Variants in KRT8 observed in about 807,000 individuals in gnomAD.
KRT8 encodes keratin 8.
KRT8 carries 24 observed loss-of-function variants against 43.0 expected under a neutral mutation model. The observed-to-expected ratio is 0.56, with a 90% confidence interval of 0.40 to 0.78. KRT8 has a LOEUF of 0.78. Among genes scored for constraint, KRT8 ranks in the 30% least tolerant of loss-of-function variants. KRT8 has a pLI of 0.00. For synonymous variants in KRT8, 214 were observed against 261.2 expected (o/e 0.82, Z 1.74); for missense variants, 492 against 638.4 (o/e 0.77, Z 2.47).
chr12:52,930,275 T>C (rs1310715195), intron 2 of KRT8, among the ~76,000 whole-genome samples: 1 of 151,822 alleles, frequency 6.6e-6, no homozygotes, highest in East Asian at 1.9e-4. Context: ...TGGAGTGCAA[T>C]AGCACAATCT....
At chr12:52,949,089 A>G in intron 2 of KRT8, 1 of 1,325,476 alleles carries the variant, frequency 7.5e-7, no homozygotes, top group Non-Finnish European at 1.1e-6. Context: ...TCACTCTGCG[A>G]TATAACTCGG....
intron 2 of KRT8, among the ~76,000 whole-genome samples, chr12:52,938,081 C>G (rs1418499596): frequency 3.0e-5 from 4 of 133,062 alleles, no homozygotes; most frequent in Admixed American, 8.2e-5. Context: ...TATCATTAGT[C>G]ATTAGGAAAA....
chr12:52,928,811 C>T (rs1376941956), intron 2 of KRT8, among the ~76,000 whole-genome samples: 2 of 152,108 alleles, frequency 1.3e-5, no homozygotes, highest in African/African-American at 2.4e-5. Context: ...GAGGCTGAAG[C>T]GAGAGAATCG....
chr12:52,926,351 CAG>C, intron 2 of KRT8: 13 of 1,224,738 alleles, frequency 1.1e-5, no homozygotes, highest in South Asian at 1.3e-5. Context: ...ACCCCACCCC[CAG>C]GACTGTGCCC....
At chr12:52,900,544 G>C (rs766314259) in intron 4 of KRT8, 44 bp downstream of exon 4, 16 of 1,313,328 alleles carry the variant, frequency 1.2e-5, no homozygotes, top group Non-Finnish European at 1.8e-5. Context: ...TGGAGGCGCT[G>C]ACAAGGCTGG....
intron 1 of KRT8, 193 bp from the exon 2 acceptor site, chr12:52,902,265 A>G: frequency 1.7e-6 from 1 of 604,776 alleles, no homozygotes; most frequent in Middle Eastern, 4.4e-4. Flanking sequence ...TGAGGTGGGG[A>G]GCAATGTCCC....
chr12:52,944,991 T>C (rs907834479), intron 2 of KRT8, among the ~76,000 whole-genome samples: 6 of 152,166 alleles, frequency 3.9e-5, no homozygotes, highest in African/African-American at 1.2e-4. Context: ...CTCTCTGCAG[T>C]CTACCTGACT....
At chr12:52,947,424 T>C (rs1942363027) in intron 2 of KRT8, 1 of 152,118 alleles carries the variant, frequency 6.6e-6, no homozygotes, top group Admixed American at 6.6e-5. Context: ...GTCCTAGGAG[T>C]GCCTGCCTGT....
At chr12:52,918,272 T>C (rs563677390) in intron 2 of KRT8, among the ~76,000 whole-genome samples, 1 of 138,344 alleles carries the variant, frequency 7.2e-6, no homozygotes, top group Middle Eastern at 3.8e-3. Flanking sequence ...AAACAGAGTC[T>C]GCGTCAACTG....
intron 2 of KRT8, among the ~76,000 whole-genome samples, chr12:52,942,807 A>G (rs1286803749): frequency 6.6e-6 from 1 of 151,894 alleles, no homozygotes; most frequent in Non-Finnish European, 1.5e-5. Flanking sequence ...GGATCTCAAG[A>G]CCACTGACTC....
intron 2 of KRT8, among the ~76,000 whole-genome samples, chr12:52,924,362 T>G (rs968950951): frequency 5.3e-5 from 8 of 150,158 alleles, no homozygotes; most frequent in African/African-American, 9.8e-5. Context: ...GGCAGGAGAA[T>G]GGCATGAACC....
At chr12:52,909,214 A>G (rs1941582954), upstream of KRT8, among the ~76,000 whole-genome samples, 1 of 152,236 alleles carries the variant, frequency 6.6e-6, no homozygotes, top group African/African-American at 2.4e-5. Flanking sequence ...TGTGCCCAGC[A>G]TAAGGGGTCA....
Position 52,898,535 on chromosome 12 carries a change from T to A in KRT8, c.1203-16A>T. Reference sequence around the variant, plus strand: ...AGACTCCAGCCTGTACCCAGACAAATGGGGTGTCAGGACCAACTCCTAGCC... The same window carrying A: ...AGACTCCAGCCTGTACCCAGACAAAAGGGGTGTCAGGACCAACTCCTAGCC... On this transcript the variant is annotated splice_polypyrimidine_tract_variant and intron_variant, in intron 6 of 7. Transcript: ENST00000692008. 1 of 1,614,024 alleles carries A rather than the reference T, an allele frequency of 6.2e-7. No homozygotes were observed. Among genetic ancestry groups the A allele is most frequent in the Non-Finnish European group, 8.5e-7 (1 of 1,179,922 alleles).
At chr12:52,942,284 C>A (rs1277376103) in intron 2 of KRT8, among the ~76,000 whole-genome samples, 1 of 152,118 alleles carries the variant, frequency 6.6e-6, no homozygotes, top group Non-Finnish European at 1.5e-5. Flanking sequence ...ATCAGAGAAG[C>A]TCGCCGACTT....
chr12:52,926,577 G>T, intron 2 of KRT8: 1 of 904,076 alleles, frequency 1.1e-6, no homozygotes, highest in Non-Finnish European at 1.7e-6. Flanking sequence ...ACACCCCTGG[G>T]CTGGGTTACA....
chr12:52,923,020 A>T (rs1941919054), intron 2 of KRT8, among the ~76,000 whole-genome samples: 1 of 152,188 alleles, frequency 6.6e-6, no homozygotes, highest in South Asian at 2.1e-4. Context: ...AGCCCAGGAC[A>T]GCTGAGTGAG....
chr12:52,928,860 C>A (rs1254095238), intron 2 of KRT8, among the ~76,000 whole-genome samples: 1 of 152,054 alleles, frequency 6.6e-6, no homozygotes, highest in Non-Finnish European at 1.5e-5. Flanking sequence ...GAGACAAGAT[C>A]GTGCCATTGC....
At chr12:52,915,148 C>A (rs113925811) in intron 2 of KRT8, among the ~76,000 whole-genome samples, 18,530 of 151,792 alleles carry the variant, frequency 0.12, 1,213 homozygotes, top group African/African-American at 0.15. Context: ...CAGAGGTGGG[C>A]GGATCATGAG....
chr12:52,929,074 C>G (rs1030801424), intron 2 of KRT8, among the ~76,000 whole-genome samples: 6 of 152,156 alleles, frequency 3.9e-5, no homozygotes, highest in African/African-American at 1.4e-4. Flanking sequence ...ATGGAAATGG[C>G]TAAACTAATG....
Sources: gnomAD v4.1 joint callset for allele counts (sites outside exome capture counted in the v4.1 genomes callset) on GRCh38, gnomAD v4.1.1 for gene constraint, MANE v1.5 for transcripts, NCBI Gene and HGNC (gene_info 2026-07-23, HGNC 2026-07-21) for gene names.